MACROD2: variants seen among roughly 807,000 people sequenced by gnomAD.
The protein encoded by MACROD2 is ADP-ribose glycohydrolase MACROD2.
In MACROD2, 36 loss-of-function variants were observed where a neutral mutation model predicts 70.4. The observed-to-expected ratio is 0.51, with a 90% CI of 0.39 to 0.68. The LOEUF (loss-of-function observed/expected upper bound fraction) is 0.68. Among genes scored for constraint, MACROD2 ranks in the 30% least tolerant of loss-of-function variants. The probability of loss-of-function intolerance (pLI) is 0.00; values close to 1 mark genes in which losing one functional copy is unlikely to be tolerated. For synonymous variants in MACROD2, 172 were observed against 178.8 expected, an observed-to-expected ratio of 0.96 and a Z score of 0.30; for missense variants, 496 against 538.4, an observed-to-expected ratio of 0.92 and a Z score of 0.78.
At chr20:14,863,743 A>T (rs1242974934) in intron 5 of MACROD2, among the ~76,000 whole-genome samples, 1 of 152,150 alleles carries the variant, frequency 6.6e-6, no homozygotes, top group Non-Finnish European at 1.5e-5. Flanking sequence ...CATCAATACT[A>T]TTAAAGAGGA....
At position 14,704,364 on chromosome 20, in the gene MACROD2, A is replaced by G. The variant is rs1440894590; in HGVS notation, c.418+19405A>G. Reference sequence around the variant, plus strand: ...TCCTACCGTGTAAATAGCCCAGCTCACTGCTTCTTGGGTGGGATAATTATG... The same window carrying G: ...TCCTACCGTGTAAATAGCCCAGCTCGCTGCTTCTTGGGTGGGATAATTATG... On this transcript the variant is annotated intron_variant, in intron 5 of 17. Coordinates refer to ENST00000684519, the MANE Select transcript of MACROD2 (RefSeq NM_001351661.2). 2.6e-5 allele frequency among the ~76,000 whole-genome samples: 4 copies of G among 151,982 alleles called. No individual in the cohort carries two copies. The East Asian group carries it at 7.8e-4, about 29-fold the overall frequency.
intron 8 of MACROD2, among the ~76,000 whole-genome samples, chr20:15,679,331 G>C: frequency 6.6e-6 from 1 of 151,928 alleles, no homozygotes; most frequent in East Asian, 1.9e-4. Context: ...CCAAGGGAAA[G>C]AAGGGTGAGG....
intron 5 of MACROD2, chr20:14,850,174 G>C: frequency 3.2e-6 from 1 of 314,506 alleles, no homozygotes; most frequent in Admixed American, 4.6e-5. Context: ...AACTTGTTTA[G>C]CTGGAAAACA....
intron 3 of MACROD2, among the ~76,000 whole-genome samples, chr20:14,486,406 T>C (rs1600292229): frequency 6.6e-6 from 1 of 152,066 alleles, no homozygotes; most frequent in African/African-American, 2.4e-5. Flanking sequence ...AGAGAGAGCC[T>C]TTTGATGTCA....
chr20:15,920,810 T>G (rs971818033), intron 10 of MACROD2, among the ~76,000 whole-genome samples: 1 of 152,176 alleles, frequency 6.6e-6, no homozygotes, highest in African/African-American at 2.4e-5. Flanking sequence ...AAATAGAATA[T>G]TCATTATATC....
intron 5 of MACROD2, among the ~76,000 whole-genome samples, chr20:15,229,396 T>C (rs2076940211): frequency 6.6e-6 from 1 of 152,212 alleles, no homozygotes. Flanking sequence ...ACTTCAAAAT[T>C]GGCAGGAATG....
chr20:16,007,633 C>T (rs536831628), intron 15 of MACROD2, among the ~76,000 whole-genome samples: 5 of 152,094 alleles, frequency 3.3e-5, no homozygotes, highest in African/African-American at 7.2e-5. Context: ...TTCAAAACAG[C>T]GGTATCTACT....
At chr20:14,093,372 C>G (rs145780778) in intron 3 of MACROD2, among the ~76,000 whole-genome samples, 32 of 152,178 alleles carry the variant, frequency 2.1e-4, no homozygotes, top group Non-Finnish European at 4.0e-4. Context: ...TAGGTGTGAG[C>G]CACCTTGCCT....
chr20:15,012,671 G>C (rs1193179749), intron 5 of MACROD2, among the ~76,000 whole-genome samples: 1 of 152,118 alleles, frequency 6.6e-6, no homozygotes, highest in Non-Finnish European at 1.5e-5. Context: ...TTGGTAATGG[G>C]CTCTGCCAGG....
chr20:14,574,034 A>G (rs1980398296), intron 4 of MACROD2, among the ~76,000 whole-genome samples: 1 of 152,142 alleles, frequency 6.6e-6, no homozygotes, highest in South Asian at 2.1e-4. Context: ...CGTGGAGCTG[A>G]TCTTCCAAGA....
intron 8 of MACROD2, among the ~76,000 whole-genome samples, chr20:15,776,806 G>C (rs2051729653): frequency 6.6e-6 from 1 of 152,128 alleles, no homozygotes; most frequent in Non-Finnish European, 1.5e-5. Flanking sequence ...TTCATGTCTT[G>C]ATTACTCAAC....
intron 3 of MACROD2, among the ~76,000 whole-genome samples, chr20:14,157,435 T>C (rs1423900871): frequency 6.6e-6 from 1 of 151,968 alleles, no homozygotes; most frequent in African/African-American, 2.4e-5. Flanking sequence ...CATTGAAATA[T>C]ATAACAGATT....
chr20:15,007,700 C>T (rs1045052779), intron 5 of MACROD2, among the ~76,000 whole-genome samples: 19 of 152,354 alleles, frequency 1.2e-4, no homozygotes, highest in South Asian at 1.2e-3. Flanking sequence ...GGAACAAATA[C>T]TCTGGAACTG....
At chr20:14,215,641 G>A (rs1258071374) in intron 3 of MACROD2, among the ~76,000 whole-genome samples, 1 of 152,084 alleles carries the variant, frequency 6.6e-6, no homozygotes, top group Non-Finnish European at 1.5e-5. Flanking sequence ...GTGTAGAAGT[G>A]TTCCCTGTTC....
At chr20:14,241,182 T>C (rs983937561) in intron 3 of MACROD2, among the ~76,000 whole-genome samples, 2 of 152,244 alleles carry the variant, frequency 1.3e-5, no homozygotes, top group Non-Finnish European at 2.9e-5. Context: ...ACGCATATTT[T>C]TCTTTTGGAG....
At chr20:14,288,124 A>T (rs1427788894) in intron 3 of MACROD2, among the ~76,000 whole-genome samples, 8 of 151,708 alleles carry the variant, frequency 5.3e-5, no homozygotes, top group African/African-American at 9.7e-5. Context: ...ACACCCTACA[A>T]GGTAGGGTGT....
At position 15,220,785 on chromosome 20, in the gene MACROD2, C is replaced by T. The variant is rs543725724; in HGVS notation, c.419-9155C>T. ...CAGAGAAAAAAATGGGGGGGGCTCT[C>T]CAGAAATGGGGAAAGTCCTGTAGTC... On this transcript the variant is annotated intron_variant, in intron 5 of 17. Transcript: ENST00000684519. 8.5e-5 allele frequency among the ~76,000 whole-genome samples: 13 copies of T among 152,160 alleles called. No homozygotes were observed. The East Asian group carries it at 2.3e-3, about 27-fold the overall frequency.
At chr20:15,365,645 A>C (rs1439127285) in intron 6 of MACROD2, among the ~76,000 whole-genome samples, 5 of 151,620 alleles carry the variant, frequency 3.3e-5, no homozygotes, top group Non-Finnish European at 7.4e-5. Context: ...TGGGCGACAG[A>C]GCGAGGCTCT....
chr20:15,161,268 G>A (rs1221406931), intron 5 of MACROD2, among the ~76,000 whole-genome samples: 1 of 151,570 alleles, frequency 6.6e-6, no homozygotes, highest in Non-Finnish European at 1.5e-5. Flanking sequence ...AGGTCTTTTG[G>A]GAATGGTACA....
Sources: gnomAD v4.1 joint callset for allele counts (sites outside exome capture counted in the v4.1 genomes callset) on GRCh38, gnomAD v4.1.1 for gene constraint, MANE v1.5 for transcripts, NCBI Gene and HGNC (gene_info 2026-07-23, HGNC 2026-07-21) for gene names.